SAMD12: variants seen among roughly 807,000 people sequenced by gnomAD.
SAMD12 encodes sterile alpha motif domain-containing protein 12.
In SAMD12, 9 loss-of-function variants were observed where a neutral mutation model predicts 15.0. That is an observed-to-expected ratio of 0.60 (90% confidence interval 0.36 to 1.05). The LOEUF is 1.05. Among genes scored for constraint, SAMD12 ranks in the 50% least tolerant of loss-of-function variants. The probability of loss-of-function intolerance (pLI) is 0.01; values close to 1 mark genes in which losing one functional copy is unlikely to be tolerated. For missense variants in SAMD12, 230 were observed against 234.2 expected (o/e 0.98, Z 0.12); for synonymous variants, 86 against 90.1 (o/e 0.96, Z 0.25).
At chr8:118,403,474 C>T (rs1019637552) in intron 3 of SAMD12, among the ~76,000 whole-genome samples, 2 of 151,806 alleles carry the variant, frequency 1.3e-5, no homozygotes, top group African/African-American at 2.4e-5. Context: ...TAAATTGGAA[C>T]ATTATCTTAA....
chr8:118,361,412 A>T (rs771185845), intron 4 of SAMD12, among the ~76,000 whole-genome samples: 3 of 152,214 alleles, frequency 2.0e-5, no homozygotes, highest in Non-Finnish European at 2.9e-5. Flanking sequence ...CTGTTCAATG[A>T]GTGAATGAAT....
intron 2 of SAMD12, among the ~76,000 whole-genome samples, chr8:118,551,294 A>T (rs1379118986): frequency 6.6e-6 from 1 of 150,752 alleles, no homozygotes; most frequent in East Asian, 1.9e-4. Flanking sequence ...CTCCTCAGCA[A>T]ATGTAAAAGA....
intron 4 of SAMD12, among the ~76,000 whole-genome samples, chr8:118,262,119 G>A (rs1813092253): frequency 6.6e-6 from 1 of 152,000 alleles, no homozygotes; most frequent in South Asian, 2.1e-4. Context: ...TCACAGGCTG[G>A]AACTCTCCTT....
chr8:118,604,901 G>A (rs553754920), intron 1 of SAMD12, among the ~76,000 whole-genome samples: 52 of 152,022 alleles, frequency 3.4e-4, no homozygotes, highest in Middle Eastern at 3.4e-3. Context: ...CAGCCTGGGC[G>A]ACAGAGAGAG....
the SAMD12 span, among the ~76,000 whole-genome samples, chr8:118,172,328 A>G: frequency 6.6e-6 from 1 of 152,222 alleles, no homozygotes; most frequent in African/African-American, 2.4e-5. Context: ...TTTAAAAAAG[A>G]AAGAAAAAGA....
chr8:118,181,562 G>A, the SAMD12 span, among the ~76,000 whole-genome samples: 1 of 152,178 alleles, frequency 6.6e-6, no homozygotes, highest in African/African-American at 2.4e-5. Flanking sequence ...AGGACAGGTG[G>A]ATGTCATGAG....
At chr8:118,468,100 G>T in intron 2 of SAMD12, among the ~76,000 whole-genome samples, 1 of 152,184 alleles carries the variant, frequency 6.6e-6, no homozygotes, top group Non-Finnish European at 1.5e-5. Context: ...CAGAACAAAT[G>T]TGGAAATCAG....
At chr8:118,226,060 G>A (rs1474765781) in intron 4 of SAMD12, among the ~76,000 whole-genome samples, 3 of 152,112 alleles carry the variant, frequency 2.0e-5, no homozygotes, top group African/African-American at 7.2e-5. Context: ...CACATTGAGC[G>A]CTTACTCTGT....
At position 118,240,857 on chromosome 8, in the gene SAMD12, G is replaced by A. The variant is rs375425115; in HGVS notation, c.434-43125C>T. ...CAAGCCAAGATTAAAGAGTCAACCA[G>A]CAGTTGACTGAGCTTTTTTCTCCTT... On this transcript the variant is annotated intron_variant, in intron 4 of 4. Transcript: ENST00000409003. 1.1e-4 allele frequency among the ~76,000 whole-genome samples: 16 copies of A among 152,212 alleles called. No individual in the cohort carries two copies. In the East Asian group the frequency reaches 2.7e-3, roughly 26 times the overall value.
At chr8:118,492,910 T>C (rs1463202941) in intron 2 of SAMD12, among the ~76,000 whole-genome samples, 4 of 152,198 alleles carry the variant, frequency 2.6e-5, no homozygotes, top group Non-Finnish European at 5.9e-5. Flanking sequence ...TCAAGCATTA[T>C]CATACCTTAA....
intron 2 of SAMD12, among the ~76,000 whole-genome samples, chr8:118,459,247 G>T (rs180905904): frequency 6.2e-4 from 94 of 152,076 alleles, no homozygotes; most frequent in Middle Eastern, 3.4e-3. Context: ...TGTATTTTTA[G>T]TGGAAACGGG....
chr8:118,418,642 C>A (rs1476113876), intron 3 of SAMD12, among the ~76,000 whole-genome samples: 2 of 151,884 alleles, frequency 1.3e-5, no homozygotes, highest in Admixed American at 6.6e-5. Context: ...TGGCATGAAC[C>A]CGGGAAGTGG....
At chr8:118,363,368 T>C (rs560945129) in intron 4 of SAMD12, among the ~76,000 whole-genome samples, 2 of 152,302 alleles carry the variant, frequency 1.3e-5, no homozygotes, top group East Asian at 1.9e-4. Flanking sequence ...CCCATGTCAA[T>C]GGTCTTCATC....
intron 4 of SAMD12, among the ~76,000 whole-genome samples, chr8:118,234,539 G>T (rs557168625): frequency 6.6e-6 from 1 of 151,644 alleles, no homozygotes; most frequent in Non-Finnish European, 1.5e-5. Flanking sequence ...GTGAAACCCC[G>T]TCTCTACTGA....
chr8:118,329,283 T>C (rs950646815), intron 4 of SAMD12, among the ~76,000 whole-genome samples: 6 of 152,158 alleles, frequency 3.9e-5, no homozygotes, highest in African/African-American at 1.4e-4. Flanking sequence ...TTGGCAAATT[T>C]TTCTCTTACA....
At chr8:118,150,554 A>G in the SAMD12 span, among the ~76,000 whole-genome samples, 2 of 152,040 alleles carry the variant, frequency 1.3e-5, no homozygotes, top group Admixed American at 6.6e-5. Flanking sequence ...TTTTTTGTAG[A>G]GATGGGCTCT....
intron 1 of SAMD12, among the ~76,000 whole-genome samples, chr8:118,589,215 C>A (rs1827521015): frequency 6.6e-6 from 1 of 152,162 alleles, no homozygotes; most frequent in Admixed American, 6.5e-5. Context: ...ATTGTCCTCA[C>A]AAATCTGCCC....
chr8:118,254,908 A>G (rs1323848305), intron 4 of SAMD12, among the ~76,000 whole-genome samples: 1 of 151,834 alleles, frequency 6.6e-6, no homozygotes, highest in African/African-American at 2.4e-5. Context: ...AGTCCTACAG[A>G]TCAGGCGTTT....
chr8:118,191,821 G>T (rs1819408858), exon 5 of SAMD12: 3 of 105,786 alleles, frequency 2.8e-5, no homozygotes, highest in Non-Finnish European at 6.0e-5. Flanking sequence ...TAGAGAGAGA[G>T]AGAGAGAGAG....
Sources: allele counts gnomAD v4.1 joint callset (sites outside exome capture counted in the v4.1 genomes callset), GRCh38; gene constraint gnomAD v4.1.1; transcripts MANE v1.5; gene names NCBI Gene and HGNC (gene_info 2026-07-23, HGNC 2026-07-21).